Variants in CLK2 observed in about 807,000 individuals in gnomAD.
CLK2 encodes CDC like kinase 2.
Under a neutral mutation model 73.5 loss-of-function variants are expected in CLK2, and 12 were observed. The observed-to-expected ratio is 0.16, with a 90% CI of 0.10 to 0.26. CLK2 has a LOEUF of 0.26. CLK2 is among the 10% of genes least tolerant of loss of function. The probability of loss-of-function intolerance (pLI) is 1.00; values close to 1 mark genes in which losing one functional copy is unlikely to be tolerated. For missense variants in CLK2, 509 were observed against 688.4 expected, an observed-to-expected ratio of 0.74 and a Z score of 2.92; for synonymous variants, 232 against 237.9, an observed-to-expected ratio of 0.98 and a Z score of 0.23.
At chr1:155,272,012 T>C (rs941565193) in intron 1 of CLK2, among the ~76,000 whole-genome samples, 6 of 135,854 alleles carry the variant, frequency 4.4e-5, no homozygotes, top group Non-Finnish European at 9.5e-5. Context: ...CAACTGTTTC[T>C]TGTGTTTTTT....
intron 11 of CLK2, 76 bp from the exon 12 acceptor site, chr1:155,264,116 A>C: frequency 6.5e-7 from 1 of 1,546,018 alleles, no homozygotes; most frequent in South Asian, 1.1e-5. Context: ...TCTGAAAGTA[A>C]CTGGGGGGAG....
At chr1:155,270,286 G>A (rs11577338) in intron 2 of CLK2, among the ~76,000 whole-genome samples, 76,726 of 151,974 alleles carry the variant, frequency 0.5, 24,042 homozygotes, top group Non-Finnish European at 0.69. Context: ...CACAAGAATC[G>A]CTTGAACCTG....
intron 7 of CLK2, 37 bp downstream of exon 7, chr1:155,266,692 G>A (rs752051808): frequency 6.3e-7 from 1 of 1,594,212 alleles, no homozygotes. Flanking sequence ...TGAAGGGAGG[G>A]ACTGCCCCAG....
chr1:155,265,745 C>T lies in CLK2; in HGVS notation c.933+115G>A, dbSNP rs916521663. ...TTAGTTTTACCCAGTTGGAGCCAGA[C>T]AGGGAGAAAATGTGGGAGGACGAAA... On this transcript the variant is annotated intron_variant, in intron 8 of 12. Coordinates refer to ENST00000368361, the MANE Select transcript of CLK2 (RefSeq NM_001294338.2). The T allele has an allele frequency of 4.2e-5, 33 of 779,066 alleles. 1 individual carries two copies. In the South Asian group the frequency reaches 4.2e-4, roughly 10 times the overall value. 48.3% of individuals were successfully genotyped at this position (779,066 alleles called of 1,614,324 possible).
In CLK2 at chr1:155,268,434, G is replaced by A. The variant is rs1673334040; in HGVS notation, c.488-75C>T. Reference sequence around the variant, plus strand: ...GAATGAGCTGAGTTGGAAGAAAAAAGGGGACAGCAACCTGGGGTGGAGATG... The same window carrying A: ...GAATGAGCTGAGTTGGAAGAAAAAAAGGGACAGCAACCTGGGGTGGAGATG... On this transcript the variant is annotated intron_variant, in intron 4 of 12. Transcript: ENST00000368361. The surrounding 1 kb of genome is among the most constrained non-coding windows in gnomAD (Gnocchi z 5.6). 8.1e-7 allele frequency: 1 copy of A among 1,240,090 alleles called. No individual in the cohort carries two copies. Among genetic ancestry groups the A allele is most frequent in the Non-Finnish European group, 1.2e-6 (1 of 844,104 alleles). The allele number at this position is 1,240,090 out of a possible 1,614,324, so 76.8% of individuals were successfully genotyped here.
intron 7 of CLK2, among the ~76,000 whole-genome samples, chr1:155,266,432 TGA>T (rs1673236125): frequency 6.6e-6 from 1 of 152,222 alleles, no homozygotes; most frequent in South Asian, 2.1e-4. Flanking sequence ...GTTTGCTGTC[TGA>T]CTGATGCTTT....
rs1370257671 is a variant in CLK2 at position 155,269,621 on chromosome 1, G to A, written c.266C>T (p.Ala89Val). 1 of 1,614,154 alleles carries A rather than the reference G, an allele frequency of 6.2e-7. No homozygotes were observed. Among genetic ancestry groups the A allele is most frequent in the South Asian group, 1.1e-5 (1 of 91,090 alleles). Residue 89 changes from alanine to valine, a missense_variant, in exon 3 of 13, where the codon GCC becomes GTC. Coordinates refer to ENST00000368361, the MANE Select transcript of CLK2 (RefSeq NM_001294338.2). ...ATGCCGATAGTCTGTGTCATAGTAG[G>A]CATCTCCCCGATCCCGGCTATAATC... ...RNDYSRDRGD[A>V]YYDTDYRHSY...
chr1:155,271,869 G>C (rs188773366), intron 1 of CLK2, among the ~76,000 whole-genome samples: 5 of 152,238 alleles, frequency 3.3e-5, no homozygotes, highest in Non-Finnish European at 7.4e-5. Flanking sequence ...TCTGGGTCGG[G>C]CCCCTTGAAT....
chr1:155,265,995 C>T, intron 7 of CLK2, 41 bp from the exon 8 acceptor site: 1 of 1,395,464 alleles, frequency 7.2e-7, no homozygotes, highest in Non-Finnish European at 1.0e-6. Context: ...TGCAGGTGGC[C>T]AGAGCTAACT....
chr1:155,269,227 G>A (rs930156220), intron 3 of CLK2: 10 of 594,538 alleles, frequency 1.7e-5, no homozygotes, highest in African/African-American at 1.1e-4. Flanking sequence ...CCGCTGGGGC[G>A]GAGAAGCTGC....
At chr1:155,264,609 C>A (rs936059878) in intron 9 of CLK2, 36 bp downstream of exon 9, 13 of 1,614,224 alleles carry the variant, frequency 8.1e-6, no homozygotes, top group Non-Finnish European at 1.0e-5. Flanking sequence ...ACCCTCACAT[C>A]ATCTCACACA....
rs139671051 is a variant in CLK2 at position 155,263,396 on chromosome 1, T to C, written c.1322A>G (p.Tyr441Cys). 6 of 1,614,016 alleles carry C rather than the reference T, an allele frequency of 3.7e-6. No individual in the cohort carries two copies. The African/African-American group carries it at 8.0e-5, about 21-fold the overall frequency. ...GTGTTCCTCTGCCTCTGAGGTCAGATACCGCTGGTGGAGGAGGGCAGGAAA... is the reference window on the plus strand; with the variant it reads ...GTGTTCCTCTGCCTCTGAGGTCAGACACCGCTGGTGGAGGAGGGCAGGAAA... Reference protein sequence around the residue: ...VRENCKPLRRYLTSEAEEHHQ... With the variant: ...VRENCKPLRRCLTSEAEEHHQ... Residue 441 changes from tyrosine (Y) to cysteine (C), a missense_variant, in exon 13 of 13, where the codon TAT (tyrosine) becomes TGT (cysteine). Tyr to Cys is a radical substitution (Grantham distance 194). Coordinates refer to ENST00000368361, the MANE Select transcript of CLK2 (RefSeq NM_001294338.2).
chr1:155,270,838 C>A lies in CLK2; in HGVS notation c.140G>T (p.Arg47Leu). The part of the protein sequence containing the change: ...SSSDRTRRRR[R>L]EDSYHVRSRS... ...AGAACGGACATGGTAGCTGTCCTCT[C>A]GCCGACGCCGTCGTGTCCGGTCACT... Residue 47 changes from arginine to leucine, a missense_variant, in exon 2 of 13, where the codon CGA (arginine) becomes CTA (leucine). Arg to Leu is a moderately radical substitution (Grantham distance 102, BLOSUM62 -2). Around this residue, in one of 6 missense-constraint regions of CLK2, gnomAD observed 222 missense variants for 221.7 expected, o/e 1.00. Coordinates refer to ENST00000368361, the MANE Select transcript of CLK2 (RefSeq NM_001294338.2). The A allele has an allele frequency of 1.2e-6, 2 of 1,612,598 alleles. No individual in the cohort carries two copies. The highest frequency in any genetic ancestry group is 1.7e-6 in the Non-Finnish European group (2 of 1,178,668).
intron 2 of CLK2, 28 bp from the exon 3 acceptor site, chr1:155,269,744 G>T (rs370911408): frequency 3.8e-6 from 6 of 1,595,882 alleles, no homozygotes; most frequent in African/African-American, 1.3e-5. Flanking sequence ...CCAATGAGGT[G>T]TATCTGTTCA....
In CLK2 at chr1:155,263,320, C is replaced by G; in HGVS notation, c.1398G>C (p.Lys466Asn). ...IESMLEYEPA[K>N]RLTLGEALQH... is the part of the protein sequence containing the mutation. The stretch of plus-strand genomic sequence containing the variant: ...GAAGGGCTTCACCCAAGGTCAGCCG[C>G]TTAGCTGGTTCATACTCTAGCATGC... The change falls in exon 13 of 13, where the codon AAG (lysine) becomes AAC (asparagine). Residue 466 changes from lysine to asparagine, a missense_variant. Coordinates refer to ENST00000368361, the MANE Select transcript of CLK2 (RefSeq NM_001294338.2). The G allele has an allele frequency of 6.2e-7, 1 of 1,614,220 alleles. No individual in the cohort carries two copies. The highest frequency in any genetic ancestry group is 8.5e-7 in the Non-Finnish European group (1 of 1,180,054).
chr1:155,269,309 C>T, intron 3 of CLK2, 179 bp downstream of exon 3: 1 of 626,006 alleles, frequency 1.6e-6, no homozygotes, highest in Non-Finnish European at 2.8e-6. Context: ...CATCCATCTC[C>T]AAAGCAGATC....
At chr1:155,264,838 T>G in intron 8 of CLK2, 64 bp from the exon 9 acceptor site, 7 of 1,588,650 alleles carry the variant, frequency 4.4e-6, no homozygotes, top group Non-Finnish European at 6.0e-6. Context: ...CAGTATTCTC[T>G]ACATTGCTTC....
chr1:155,269,609 G>A lies in CLK2; in HGVS notation c.278C>T (p.Thr93Ile), dbSNP rs1393584577. The change falls in exon 3 of 13, where the codon ACA becomes ATA. Residue 93 changes from threonine to isoleucine, a missense_variant. By Grantham distance (89) the Thr-to-Ile change is moderately conservative. Coordinates refer to ENST00000368361, the MANE Select transcript of CLK2 (RefSeq NM_001294338.2). ...ATATTCATAGGAATGCCGATAGTCT[G>A]TGTCATAGTAGGCATCTCCCCGATC... ...SRDRGDAYYDTDYRHSYEYQR... is the reference protein window; with the variant it reads ...SRDRGDAYYDIDYRHSYEYQR... 5.6e-6 allele frequency: 9 copies of A among 1,614,216 alleles called. No individual in the cohort carries two copies. In the South Asian group the frequency reaches 6.6e-5, roughly 12 times the overall value.
Position 155,263,418 on chromosome 1 carries a change from G to C in CLK2, c.1318-18C>G. 1 of 1,612,830 alleles carries C rather than the reference G, an allele frequency of 6.2e-7. No individual in the cohort carries two copies. The highest frequency in any genetic ancestry group is 8.5e-7 in the Non-Finnish European group (1 of 1,179,672). ...AGATACCGCTGGTGGAGGAGGGCAG[G>C]AAAAAGGTGAGGCAGGATGCCTTAC... On this transcript the variant is annotated intron_variant, in intron 12 of 12. Coordinates refer to ENST00000368361, the MANE Select transcript of CLK2 (RefSeq NM_001294338.2).
Sources: allele counts gnomAD v4.1 joint callset (sites outside exome capture counted in the v4.1 genomes callset), GRCh38; gene constraint gnomAD v4.1.1; regional missense constraint gnomAD v4.1.1; non-coding constraint Gnocchi (gnomAD v3.1); transcripts MANE v1.5; gene names NCBI Gene and HGNC (gene_info 2026-07-23, HGNC 2026-07-21).